ADGRE5: variants seen among roughly 807,000 people sequenced by gnomAD.
The protein encoded by ADGRE5 is CD97 molecule.
Under a neutral mutation model 100.3 loss-of-function variants are expected in ADGRE5, and 72 were observed. The ratio of observed to expected loss-of-function variants is 0.72; its 90% CI spans 0.59 to 0.87. The LOEUF is 0.87. Among genes scored for constraint, ADGRE5 ranks in the 40% least tolerant of loss-of-function variants. ADGRE5 has a pLI of 0.00. For missense variants in ADGRE5, 959 were observed against 1,094.7 expected, an observed-to-expected ratio of 0.88 and a Z score of 1.75; for synonymous variants, 439 against 447.8, an observed-to-expected ratio of 0.98 and a Z score of 0.25.
chr19:14,406,820 G>A lies in ADGRE5; in HGVS notation c.2116-49G>A, dbSNP rs751326173. Reference sequence around the variant, plus strand: ...CCCGAGCGCCACAGGCCCAGGCCCGGCTGGACCATCGCTCTCGCCCTCTAA... The same window carrying A: ...CCCGAGCGCCACAGGCCCAGGCCCGACTGGACCATCGCTCTCGCCCTCTAA... On this transcript the variant is annotated intron_variant, in intron 16 of 19. Transcript: ENST00000242786. This position sits in a 1 kb window ranked among gnomAD's most constrained non-coding sequence, Gnocchi z 6.0. 1.2e-6 allele frequency: 2 copies of A among 1,610,660 alleles called. No individual in the cohort carries two copies. The highest frequency in any genetic ancestry group is 1.7e-5 in the Admixed American group (1 of 59,992).
In ADGRE5 at chr19:14,401,867, A is replaced by C; in HGVS notation, c.1183+107A>C. 1 of 691,860 alleles carries C rather than the reference A, an allele frequency of 1.4e-6. No individual in the cohort carries two copies. The highest frequency in any genetic ancestry group is 1.8e-5 in the African/African-American group (1 of 54,504). 42.9% of individuals were successfully genotyped at this position (691,860 alleles called of 1,614,324 possible). On this transcript the variant is annotated intron_variant, in intron 11 of 19. Coordinates refer to ENST00000242786, the MANE Select transcript of ADGRE5 (RefSeq NM_078481.4). The surrounding 1 kb of genome is among the most constrained non-coding windows in gnomAD (Gnocchi z 4.1). ...AACAACTGACTGGGCGCGGTGGCTC[A>C]CGCCTGCAATCCCAGCATTTTGGGA...
chr19:14,404,041 C>G (rs34455082), intron 12 of ADGRE5, among the ~76,000 whole-genome samples: 1 of 151,774 alleles, frequency 6.6e-6, no homozygotes. Flanking sequence ...CCAGGCCCAG[C>G]TAATTTTTGT....
At position 14,406,483 on chromosome 19, in the gene ADGRE5, C is replaced by G. The variant is rs375695239; in HGVS notation, c.1974C>G (p.Ile658Met). ...QGLSTRWLCL[I>M]GYGVPLLIVG... ...TGAGTACGCGCTGGCTCTGCCTGATCGGCTATGGCGTGCCCCTGCTCATCG... is the reference window on the plus strand; with the variant it reads ...TGAGTACGCGCTGGCTCTGCCTGATGGGCTATGGCGTGCCCCTGCTCATCG... The change falls in exon 15 of 20, where the codon ATC becomes ATG. Residue 658 changes from isoleucine (I) to methionine (M), a missense_variant. Ile to Met is a conservative substitution (Grantham distance 10). This residue lies in a region of ADGRE5 where 428 missense variants were observed against 386.2 expected (regional missense o/e 1.11). Coordinates refer to ENST00000242786, the MANE Select transcript of ADGRE5 (RefSeq NM_078481.4). The surrounding 1 kb of genome is among the most constrained non-coding windows in gnomAD (Gnocchi z 6.0). 62 of 1,565,402 alleles carry G rather than the reference C, an allele frequency of 4.0e-5. No homozygotes were observed. Among genetic ancestry groups the G allele is most frequent in the Non-Finnish European group, 5.4e-5 (62 of 1,155,262 alleles).
chr19:14,386,518 C>T (rs1395145365), intron 1 of ADGRE5: 1 of 149,934 alleles, frequency 6.7e-6, no homozygotes, highest in East Asian at 2.0e-4. Context: ...ATGGTGAAAC[C>T]TTGTCTCTAC....
Position 14,406,492 on chromosome 19 carries a change from C to T in ADGRE5, c.1983C>T (p.Gly661=), listed in dbSNP as rs1354395621. 4 of 1,565,226 alleles carry T rather than the reference C, an allele frequency of 2.6e-6. No individual in the cohort carries two copies. Among genetic ancestry groups the T allele is most frequent in the Admixed American group, 3.8e-5 (2 of 52,070 alleles). ...STRWLCLIGY[G]VPLLIVGVSA... ...GCTGGCTCTGCCTGATCGGCTATGGCGTGCCCCTGCTCATCGTGGGCGTCT... is the reference window on the plus strand; with the variant it reads ...GCTGGCTCTGCCTGATCGGCTATGGTGTGCCCCTGCTCATCGTGGGCGTCT... Residue 661 remains glycine (G), a synonymous_variant, in exon 15 of 20, where the codon GGC becomes GGT. Transcript: ENST00000242786. The surrounding 1 kb of genome is among the most constrained non-coding windows in gnomAD (Gnocchi z 6.0).
chr19:14,391,882 C>T (rs916683155), intron 4 of ADGRE5, among the ~76,000 whole-genome samples: 5 of 151,722 alleles, frequency 3.3e-5, no homozygotes, highest in African/African-American at 9.7e-5. Context: ...TGGATCACAA[C>T]GTCAGGAGTT....
chr19:14,396,272 A>G (rs757066621), intron 4 of ADGRE5, 70 bp from the exon 5 acceptor site: 100 of 1,612,980 alleles, frequency 6.2e-5, no homozygotes, highest in Non-Finnish European at 8.3e-5. Context: ...GCCAGGAAAC[A>G]TGGCGGACCC....
At chr19:14,389,845 G>C (rs1488289887) in intron 3 of ADGRE5, among the ~76,000 whole-genome samples, 2 of 152,012 alleles carry the variant, frequency 1.3e-5, no homozygotes, top group African/African-American at 4.8e-5. Flanking sequence ...AAGGCGGGCG[G>C]ATCACCTGAG....
chr19:14,387,782 T>A (rs756285481), intron 1 of ADGRE5, among the ~76,000 whole-genome samples: 3 of 150,860 alleles, frequency 2.0e-5, no homozygotes, highest in South Asian at 2.1e-4. Flanking sequence ...TATTTTATTT[T>A]AAAAATTTTG....
intron 4 of ADGRE5, 101 bp from the exon 5 acceptor site, chr19:14,396,241 G>C: frequency 6.2e-7 from 1 of 1,607,126 alleles, no homozygotes; most frequent in South Asian, 1.1e-5. Flanking sequence ...GGAGACAGTG[G>C]TGCCTTCCAG....
chr19:14,382,079 T>C (rs1005198698), intron 1 of ADGRE5, among the ~76,000 whole-genome samples: 1 of 152,192 alleles, frequency 6.6e-6, no homozygotes, highest in African/African-American at 2.4e-5. Flanking sequence ...GGACTTTGCC[T>C]GGTTCTGGGT....
At chr19:14,382,034 C>G (rs1002082034) in intron 1 of ADGRE5, among the ~76,000 whole-genome samples, 2 of 152,186 alleles carry the variant, frequency 1.3e-5, no homozygotes, top group African/African-American at 2.4e-5. Flanking sequence ...TCTTGCTCCC[C>G]GCAGACCTGG....
Position 14,396,063 on chromosome 19 carries a change from C to T in ADGRE5, c.347-279C>T, listed in dbSNP as rs541923554. On this transcript the variant is annotated intron_variant, in intron 4 of 19. Transcript: ENST00000242786. ...GGAAGGCCCCACCCTGGCCTTTGCCCGGAATCCTTAGGCTGGGACACAGAT... is the reference window on the plus strand; with the variant it reads ...GGAAGGCCCCACCCTGGCCTTTGCCTGGAATCCTTAGGCTGGGACACAGAT... Among the ~76,000 whole-genome samples the T allele has an allele frequency of 5.9e-5, 9 of 152,318 alleles. No individual in the cohort carries two copies. The East Asian group carries it at 7.7e-4, about 13-fold the overall frequency.
chr19:14,383,305 G>C (rs753721916), intron 1 of ADGRE5, among the ~76,000 whole-genome samples: 9 of 151,906 alleles, frequency 5.9e-5, no homozygotes, highest in Non-Finnish European at 1.3e-4. Context: ...AGGAGTTCGA[G>C]ACCAGCCTGG....
At position 14,391,078 on chromosome 19, in the gene ADGRE5, AG is replaced by A. The variant is rs768790458; in HGVS notation, c.346+1del. ...FKNESENTCQ[D>X]VDECQQNPRL... ...AGAATGAGAGCGAGAACACCTGTCA[AG>A]GTAAGAACCACCCCACGTCCTCTGA... On this transcript the variant is annotated frameshift_variant and splice_region_variant, in exon 4 of 20. Coordinates refer to ENST00000242786, the MANE Select transcript of ADGRE5 (RefSeq NM_078481.4). LOFTEE classifies it high-confidence loss of function. 6.2e-7 allele frequency: 1 copy of A among 1,614,240 alleles called. No individual in the cohort carries two copies.
At chr19:14,398,861 A>C (rs1427463493) in intron 9 of ADGRE5, among the ~76,000 whole-genome samples, 5 of 148,300 alleles carry the variant, frequency 3.4e-5, no homozygotes, top group African/African-American at 1.2e-4. Context: ...TTTTATTTGG[A>C]AACAAGGTCT....
At chr19:14,407,720 A>AG (rs1254756223) in intron 18 of ADGRE5, among the ~76,000 whole-genome samples, 188 bp from the exon 19 acceptor site, 1 of 151,460 alleles carries the variant, frequency 6.6e-6, no homozygotes, top group Non-Finnish European at 1.5e-5. Flanking sequence ...ACTTGGGCCC[A>AG]GGAGTTCAAG....
chr19:14,395,818 C>G (rs536315094), intron 4 of ADGRE5, among the ~76,000 whole-genome samples: 2 of 152,192 alleles, frequency 1.3e-5, no homozygotes, highest in Admixed American at 1.3e-4. Context: ...TGCCCTGCAT[C>G]GCGGGGGCAC....
In ADGRE5 at chr19:14,396,349, C is replaced by T. The variant is rs144681851; in HGVS notation, c.354C>T (p.Asp118=). Residue 118 remains aspartate (D), a synonymous_variant, in exon 5 of 20, where the codon GAC becomes GAT. Coordinates refer to ENST00000242786, the MANE Select transcript of ADGRE5 (RefSeq NM_078481.4). ...CTCTCCTTCCTCTTGCAGATGTGGA[C>T]GAATGTCAGCAGAACCCAAGGCTCT... The part of the protein sequence containing the change: ...NESENTCQDV[D]ECQQNPRLCK... The T allele has an allele frequency of 2.6e-4, 426 of 1,614,254 alleles. No individual in the cohort carries two copies. The Middle Eastern group carries it at 2.6e-3, about 10-fold the overall frequency.
Sources: allele counts gnomAD v4.1 joint callset (sites outside exome capture counted in the v4.1 genomes callset), GRCh38; gene constraint gnomAD v4.1.1; regional missense constraint gnomAD v4.1.1; non-coding constraint Gnocchi (gnomAD v3.1); transcripts MANE v1.5; gene names NCBI Gene and HGNC (gene_info 2026-07-23, HGNC 2026-07-21).